Variants in NAV1 observed in about 807,000 individuals in gnomAD.
The protein encoded by NAV1 is neuron navigator 1, also known as pore membrane and/or filament interacting like protein 3.
Under a neutral mutation model 175.2 loss-of-function variants are expected in NAV1, and 18 were observed. The ratio of observed to expected loss-of-function variants is 0.10; its 90% CI spans 0.07 to 0.15. The LOEUF (loss-of-function observed/expected upper bound fraction) is 0.15. Among genes scored for constraint, NAV1 ranks in the 10% least tolerant of loss-of-function variants. The pLI is 1.00. For synonymous variants in NAV1, 897 were observed against 978.7 expected, an observed-to-expected ratio of 0.92 and a Z score of 1.56; for missense variants, 1,731 against 2,436.6, an observed-to-expected ratio of 0.71 and a Z score of 6.10.
chr1:201,737,881 T>G (rs555430690), intron 3 of NAV1, among the ~76,000 whole-genome samples: 1 of 152,100 alleles, frequency 6.6e-6, no homozygotes, highest in Non-Finnish European at 1.5e-5. Flanking sequence ...CTAAAGAGAA[T>G]CCCTTATGGC....
intron 2 of NAV1, among the ~76,000 whole-genome samples, chr1:201,609,722 C>T (rs980090043): frequency 4.6e-5 from 7 of 152,150 alleles, no homozygotes; most frequent in Non-Finnish European, 7.3e-5. Flanking sequence ...ACTGAGCTCT[C>T]CCAGCCCCAA....
chr1:201,570,547 C>T (rs1666503679), intron 1 of NAV1, among the ~76,000 whole-genome samples: 1 of 152,174 alleles, frequency 6.6e-6, no homozygotes, highest in African/African-American at 2.4e-5. Context: ...GTGAAACAAC[C>T]AGAGAGGCCA....
At chr1:201,574,948 G>A (rs1319774819) in intron 1 of NAV1, among the ~76,000 whole-genome samples, 1 of 152,166 alleles carries the variant, frequency 6.6e-6, no homozygotes, top group Non-Finnish European at 1.5e-5. Flanking sequence ...AGTGCCAGAG[G>A]CCCCACACTC....
intron 2 of NAV1, among the ~76,000 whole-genome samples, chr1:201,614,826 G>T (rs1407362856): frequency 6.6e-6 from 1 of 152,180 alleles, no homozygotes; most frequent in Non-Finnish European, 1.5e-5. Context: ...TCGTGAGAAA[G>T]TTCCTTAGCC....
chr1:201,699,340 A>G (rs1671316468), intron 1 of NAV1, among the ~76,000 whole-genome samples: 1 of 152,196 alleles, frequency 6.6e-6, no homozygotes, highest in African/African-American at 2.4e-5. Context: ...CCCATTCACA[A>G]TTGCTTCAAA....
intron 3 of NAV1, 43 bp from the exon 8 acceptor site, chr1:201,780,378 G>T (rs747194192): frequency 6.2e-7 from 1 of 1,607,876 alleles, no homozygotes; most frequent in Non-Finnish European, 8.5e-7. Context: ...TTTTGCCTGG[G>T]CTTCTGTTTT....
In NAV1 at chr1:201,728,599, C is replaced by CAA. The variant is rs1278753255; in HGVS notation, c.1226+9859_1226+9860dup. On this transcript the variant is annotated intron_variant, in intron 3 of 29. Transcript: ENST00000367296. ...AGAAGAGTGAAACTCCATCGCAAAA[C>CAA]AAAAAAAAAAAAAAAAGAAAAGAAA... Among the ~76,000 whole-genome samples the CAA allele has an allele frequency of 9.2e-4, 54 of 58,798 alleles. No individual in the cohort carries two copies. The South Asian group carries it at 0.018, about 20-fold the overall frequency. The allele number at this position is 58,798 out of a possible 152,430, so 38.6% of individuals were successfully genotyped here.
chr1:201,816,830 AT>A (rs910339210), intron 28 of NAV1: 508 of 425,260 alleles, frequency 1.2e-3, no homozygotes, highest in Middle Eastern at 2.0e-3. Context: ...TGCATGGCTA[AT>A]TTTTTTTTTC....
At chr1:201,653,890 T>C (rs559296889) in intron 1 of NAV1, among the ~76,000 whole-genome samples, 1 of 152,220 alleles carries the variant, frequency 6.6e-6, no homozygotes, top group Non-Finnish European at 1.5e-5. Flanking sequence ...CTTGGAGCTG[T>C]GAGGCCTCCT....
intron 2 of NAV1, among the ~76,000 whole-genome samples, chr1:201,642,139 T>C (rs1668778607): frequency 6.7e-6 from 1 of 149,110 alleles, no homozygotes; most frequent in African/African-American, 2.5e-5. Context: ...TCTTTCTTTC[T>C]TTCCTTCTTT....
intron 2 of NAV1, among the ~76,000 whole-genome samples, chr1:201,714,707 G>T (rs1394576124): frequency 6.6e-6 from 1 of 152,164 alleles, no homozygotes; most frequent in African/African-American, 2.4e-5. Context: ...CAAGGAAATT[G>T]TTGGAACATC....
At chr1:201,555,845 G>C (rs916987872) in intron 1 of NAV1, among the ~76,000 whole-genome samples, 3 of 132,098 alleles carry the variant, frequency 2.3e-5, no homozygotes, top group Non-Finnish European at 4.8e-5. Flanking sequence ...CTGGAGCAAA[G>C]GTGCTGTGAA....
intron 1 of NAV1, among the ~76,000 whole-genome samples, chr1:201,545,380 T>A (rs181634977): frequency 5.3e-4 from 80 of 151,694 alleles, no homozygotes; most frequent in Admixed American, 2.4e-3. Context: ...TTAATTAATT[T>A]ATTTATTTTT....
chr1:201,648,794 G>A (rs957692839), exon 1 of NAV1: 1 of 1,524,526 alleles, frequency 6.6e-7, no homozygotes. Context: ...GCAGAGGCAT[G>A]CTGCCCAAGC....
At chr1:201,720,577 G>A (rs1308416849) in intron 3 of NAV1, among the ~76,000 whole-genome samples, 1 of 152,212 alleles carries the variant, frequency 6.6e-6, no homozygotes, top group African/African-American at 2.4e-5. Flanking sequence ...GTCTGAGGAA[G>A]GTGGCAGGAC....
intron 13 of NAV1, chr1:201,793,451 C>T (rs574599861): frequency 8.0e-5 from 17 of 213,296 alleles, no homozygotes; most frequent in Admixed American, 3.2e-4. Context: ...GGCTATGGCC[C>T]GCCTACCAAG....
At chr1:201,669,001 A>G (rs1477130725) in intron 1 of NAV1, among the ~76,000 whole-genome samples, 1 of 152,158 alleles carries the variant, frequency 6.6e-6, no homozygotes, top group Non-Finnish European at 1.5e-5. Context: ...GGCTGGACCT[A>G]GGGTAGGAAA....
intron 1 of NAV1, among the ~76,000 whole-genome samples, chr1:201,667,775 C>T (rs1669884752): frequency 6.6e-6 from 1 of 152,194 alleles, no homozygotes; most frequent in Non-Finnish European, 1.5e-5. Flanking sequence ...CGCAGTTCCT[C>T]CCACATACAG....
chr1:201,598,608 G>A (rs908657183), intron 2 of NAV1, among the ~76,000 whole-genome samples: 4 of 152,190 alleles, frequency 2.6e-5, no homozygotes, highest in Admixed American at 6.5e-5. Flanking sequence ...GATGTGCTTC[G>A]CCTGGAATAG....
Sources: allele counts gnomAD v4.1 joint callset (sites outside exome capture counted in the v4.1 genomes callset), GRCh38; gene constraint gnomAD v4.1.1; transcripts MANE v1.5; gene names NCBI Gene and HGNC (gene_info 2026-07-23, HGNC 2026-07-21).